MAP2K5: variants seen among roughly 807,000 people sequenced by gnomAD.
MAP2K5 encodes the protein mitogen-activated protein kinase kinase 5.
MAP2K5 carries 49 observed loss-of-function variants against 83.1 expected under a neutral mutation model. The observed-to-expected ratio is 0.59, with a 90% CI of 0.47 to 0.75. The LOEUF (loss-of-function observed/expected upper bound fraction) is 0.75, where lower values mean the gene tolerates loss of function less well. Ranked by LOEUF, MAP2K5 falls within the 30% of genes least tolerant of loss-of-function variation. The pLI is 0.00. For missense variants in MAP2K5, 457 were observed against 557.5 expected (o/e 0.82, Z 1.82); for synonymous variants, 202 against 191.8 (o/e 1.05, Z -0.44).
chr15:67,707,941 C>T (rs2141221723), intron 16 of MAP2K5, among the ~76,000 whole-genome samples: 1 of 152,198 alleles, frequency 6.6e-6, no homozygotes, highest in Middle Eastern at 3.4e-3. Context: ...AGTTTATTCT[C>T]CTAGGGTACC....
Position 67,722,764 on chromosome 15 carries a change from T to G in MAP2K5, c.1045-5152T>G, listed in dbSNP as rs2088993470. ...TGTTCCAAAGTGGCTGCTGCATTTCTATAAAATGAAGATTTAACTGCAGCG... is the reference window on the plus strand; with the variant it reads ...TGTTCCAAAGTGGCTGCTGCATTTCGATAAAATGAAGATTTAACTGCAGCG... On this transcript the variant is annotated intron_variant, in intron 16 of 21. Transcript: ENST00000178640. This position sits in a 1 kb window ranked among gnomAD's most constrained non-coding sequence, Gnocchi z 4.2. Among the ~76,000 whole-genome samples the G allele has an allele frequency of 6.6e-6, 1 of 152,192 alleles. No homozygotes were observed. The highest frequency in any genetic ancestry group is 2.4e-5 in the African/African-American group (1 of 41,442).
intron 13 of MAP2K5, among the ~76,000 whole-genome samples, chr15:67,678,754 A>T (rs2087741131): frequency 6.6e-6 from 1 of 152,190 alleles, no homozygotes; most frequent in Non-Finnish European, 1.5e-5. Context: ...TCATGAGGTC[A>T]GTAGTTTGAG....
intron 8 of MAP2K5, among the ~76,000 whole-genome samples, chr15:67,620,929 A>G (rs1263823421): frequency 6.6e-6 from 1 of 152,202 alleles, no homozygotes; most frequent in East Asian, 1.9e-4. Context: ...TAAATGAATT[A>G]GGTGGTAGAA....
At chr15:67,600,639 A>T (rs368521983) in intron 7 of MAP2K5, 46 bp from the exon 8 acceptor site, 70 of 1,500,488 alleles carry the variant, frequency 4.7e-5, no homozygotes, top group Non-Finnish European at 6.1e-5. Flanking sequence ...TGACATTTCC[A>T]TCCACAGCAT....
rs560453596 is a variant in MAP2K5 at position 67,767,664 on chromosome 15, T to C, written c.1135-1938T>C. The stretch of plus-strand genomic sequence containing the variant: ...TGGCTTTCCTAAAACAGGCTGCAGC[T>C]GAAATTGATATCATGTTTTATTTTT... On this transcript the variant is annotated intron_variant, in intron 19 of 21. Transcript: ENST00000178640. Among the ~76,000 whole-genome samples the C allele has an allele frequency of 1.1e-3, 160 of 152,324 alleles. 1 individual carries two copies. Among genetic ancestry groups the C allele is most frequent in the African/African-American group, 3.8e-3 (159 of 41,586 alleles).
In MAP2K5 at chr15:67,641,731, T is replaced by G. The variant is rs573699061; in HGVS notation, c.586-4500T>G. The G allele has an allele frequency of 3.4e-4, 185 of 542,156 alleles. 1 individual carries two copies. The African/African-American group carries it at 3.6e-3, about 11-fold the overall frequency. 33.6% of individuals were successfully genotyped at this position (542,156 alleles called of 1,614,324 possible). ...TCAAATTCTTTCCAGTTTGAAACATTTAGCACTTCCTAAGGAGAAAAAAAT... is the reference window on the plus strand; with the variant it reads ...TCAAATTCTTTCCAGTTTGAAACATGTAGCACTTCCTAAGGAGAAAAAAAT... On this transcript the variant is annotated intron_variant, in intron 9 of 21. Coordinates refer to ENST00000178640, the MANE Select transcript of MAP2K5 (RefSeq NM_145160.3).
At chr15:67,674,828 A>G (rs191727774) in intron 13 of MAP2K5, among the ~76,000 whole-genome samples, 125 of 152,334 alleles carry the variant, frequency 8.2e-4, no homozygotes, top group African/African-American at 2.9e-3. Flanking sequence ...GTATACACAG[A>G]TGGCAAATAA....
At chr15:67,678,061 G>A (rs2087721956) in intron 13 of MAP2K5, among the ~76,000 whole-genome samples, 1 of 152,180 alleles carries the variant, frequency 6.6e-6, no homozygotes. Flanking sequence ...TTTCTCTTAA[G>A]TATGTTCCCG....
At chr15:67,729,763 C>CA (rs1188467980) in intron 17 of MAP2K5, among the ~76,000 whole-genome samples, 1 of 151,816 alleles carries the variant, frequency 6.6e-6, no homozygotes, top group African/African-American at 2.4e-5. Context: ...GATTCCGTCT[C>CA]AAAAACAAAA....
rs191582142 is a variant in MAP2K5, at chr15:67,604,770, C to T, written c.545+4021C>T. 3.4e-4 allele frequency among the ~76,000 whole-genome samples: 51 copies of T among 152,014 alleles called. No individual in the cohort carries two copies. In the East Asian group the frequency reaches 7.8e-3, roughly 23 times the overall value. ...ATTAGCTGGGCATGGTGGTGGGCGC[C>T]TGTAGTCCCAGCTACTCGGGAGGCT... On this transcript the variant is annotated intron_variant, in intron 8 of 21. Coordinates refer to ENST00000178640, the MANE Select transcript of MAP2K5 (RefSeq NM_145160.3).
chr15:67,730,586 C>T (rs1251060299), intron 17 of MAP2K5, among the ~76,000 whole-genome samples: 1 of 152,212 alleles, frequency 6.6e-6, no homozygotes, highest in African/African-American at 2.4e-5. Context: ...TCTTACAAAG[C>T]ATCCACAGGG....
Position 67,717,810 on chromosome 15 carries a change from C to T in MAP2K5, c.1045-10106C>T, listed in dbSNP as rs1182935227. Among the ~76,000 whole-genome samples the T allele has an allele frequency of 1.3e-5, 2 of 152,146 alleles. No individual in the cohort carries two copies. Among genetic ancestry groups the T allele is most frequent in the African/African-American group, 4.8e-5 (2 of 41,424 alleles). On this transcript the variant is annotated intron_variant, in intron 16 of 21. Transcript: ENST00000178640. This position sits in a 1 kb window ranked among gnomAD's most constrained non-coding sequence, Gnocchi z 4.1. Reference sequence around the variant, plus strand: ...TCCCCTTCATGGCTAGCTTAGACTTCCTTTGTGGTGCCTGGTGTTCTAAGC... The same window carrying T: ...TCCCCTTCATGGCTAGCTTAGACTTTCTTTGTGGTGCCTGGTGTTCTAAGC...
intron 3 of MAP2K5, among the ~76,000 whole-genome samples, chr15:67,574,638 G>C (rs1383587775): frequency 6.6e-6 from 1 of 150,804 alleles, no homozygotes; most frequent in Non-Finnish European, 1.5e-5. Context: ...GGAGGCCGAG[G>C]TGGGCGAATC....
intron 14 of MAP2K5, among the ~76,000 whole-genome samples, chr15:67,693,239 CG>C (rs1567365111): frequency 6.6e-6 from 1 of 152,098 alleles, no homozygotes; most frequent in Non-Finnish European, 1.5e-5. Flanking sequence ...TTATATCAGG[CG>C]GGTTTGGGAT....
intron 17 of MAP2K5, among the ~76,000 whole-genome samples, chr15:67,730,876 T>A (rs1479790468): frequency 6.6e-6 from 1 of 152,144 alleles, no homozygotes. Flanking sequence ...TAGAATTAGG[T>A]GCTACCACAG....
At position 67,703,273 on chromosome 15, in the gene MAP2K5, T is replaced by C. The variant is rs2088467281; in HGVS notation, c.973-64T>C. The C allele has an allele frequency of 2.5e-6, 3 of 1,203,490 alleles. No homozygotes were observed. In the African/African-American group the frequency reaches 4.5e-5, roughly 18 times the overall value. 74.6% of individuals were successfully genotyped at this position (1,203,490 alleles called of 1,614,324 possible). ...GCTCCTCACCTTAGCTGAGCTTATT[T>C]TGGTGTATGTGTTTTCCTGAGTAGC... On this transcript the variant is annotated intron_variant, in intron 15 of 21. Coordinates refer to ENST00000178640, the MANE Select transcript of MAP2K5 (RefSeq NM_145160.3).
Position 67,769,969 on chromosome 15 carries a change from T to C in MAP2K5, c.1196+306T>C. On this transcript the variant is annotated intron_variant, in intron 20 of 21. Coordinates refer to ENST00000178640, the MANE Select transcript of MAP2K5 (RefSeq NM_145160.3). The surrounding 1 kb of genome is among the most constrained non-coding windows in gnomAD (Gnocchi z 5.2). ...TTTTAAAAAAAGAAATACACAATTTTATAGCCCCTACTGAACGGACGTACG... is the reference window on the plus strand; with the variant it reads ...TTTTAAAAAAAGAAATACACAATTTCATAGCCCCTACTGAACGGACGTACG... 4.0e-6 allele frequency: 1 copy of C among 250,668 alleles called. No homozygotes were observed. The highest frequency in any genetic ancestry group is 7.6e-6 in the Non-Finnish European group (1 of 131,340). The allele number at this position is 250,668 out of a possible 1,614,324, so 15.5% of individuals were successfully genotyped here. A position where few individuals can be genotyped will look rare whatever the true frequency, so the allele number is the denominator to read the frequency against.
rs200075045 is a variant in MAP2K5, at chr15:67,722,351, C to CT, written c.1045-5550dup. Among the ~76,000 whole-genome samples, 131 of 141,482 alleles carry CT rather than the reference C, an allele frequency of 9.3e-4. No homozygotes were observed. The highest frequency in any genetic ancestry group is 3.7e-3 in the Middle Eastern group (1 of 268). The allele number at this position is 141,482 out of a possible 152,430, so 92.8% of individuals were successfully genotyped here. A position where few individuals can be genotyped will look rare whatever the true frequency, so the allele number is the denominator to read the frequency against. On this transcript the variant is annotated intron_variant, in intron 16 of 21. Transcript: ENST00000178640. This position sits in a 1 kb window ranked among gnomAD's most constrained non-coding sequence, Gnocchi z 4.2. ...CAGAAGATTAAATTAATTTGTAACT[C>CT]TTTTTTTTTTTTTTTGGTCCTGCAT...
chr15:67,603,409 G>A (rs2085706300), intron 8 of MAP2K5, among the ~76,000 whole-genome samples: 2 of 152,166 alleles, frequency 1.3e-5, no homozygotes, highest in Admixed American at 6.5e-5. Flanking sequence ...TTTAGCTACC[G>A]TTGCTAATGC....
Sources: gnomAD v4.1 joint callset for allele counts (sites outside exome capture counted in the v4.1 genomes callset) on GRCh38, gnomAD v4.1.1 for gene constraint, Gnocchi (gnomAD v3.1) non-coding constraint, MANE v1.5 for transcripts, NCBI Gene and HGNC (gene_info 2026-07-23, HGNC 2026-07-21) for gene names.